FSTL5: variants seen among roughly 807,000 people sequenced by gnomAD.
FSTL5 encodes follistatin-related protein 5.
A neutral mutation model predicts 89.1 loss-of-function variants in FSTL5; 62 were observed. The ratio of observed to expected loss-of-function variants is 0.70; its 90% confidence interval spans 0.57 to 0.86. The LOEUF is 0.86. Ranked by LOEUF, FSTL5 falls within the 40% of genes least tolerant of loss-of-function variation. FSTL5 has a pLI of 0.00. For synonymous variants in FSTL5, 383 were observed against 346.2 expected (o/e 1.11, Z -1.18); for missense variants, 1,057 against 1,001.6 (o/e 1.06, Z -0.75).
At chr4:162,002,804 T>C (rs1029165304) in intron 3 of FSTL5, among the ~76,000 whole-genome samples, 3 of 152,176 alleles carry the variant, frequency 2.0e-5, no homozygotes, top group African/African-American at 7.2e-5. Flanking sequence ...GTTTTTTTTT[T>C]CATGTATGAC....
chr4:161,878,573 T>C (rs1004445661), intron 4 of FSTL5, among the ~76,000 whole-genome samples: 1 of 152,066 alleles, frequency 6.6e-6, no homozygotes. Context: ...TCCTAAAAGA[T>C]ATATTTTTAA....
At chr4:161,811,311 A>G (rs1730138907) in intron 4 of FSTL5, among the ~76,000 whole-genome samples, 1 of 152,220 alleles carries the variant, frequency 6.6e-6, no homozygotes, top group South Asian at 2.1e-4. Context: ...TATACAAATC[A>G]TATGACTTTT....
chr4:162,019,616 C>G (rs1737012775), intron 3 of FSTL5, among the ~76,000 whole-genome samples: 1 of 151,854 alleles, frequency 6.6e-6, no homozygotes, highest in African/African-American at 2.4e-5. Context: ...ACATCTTACT[C>G]CTTCACTCAG....
chr4:161,899,953 T>C (rs930831926), intron 4 of FSTL5, among the ~76,000 whole-genome samples: 2 of 152,038 alleles, frequency 1.3e-5, no homozygotes, highest in Admixed American at 6.6e-5. Flanking sequence ...CCAGCAAAAT[T>C]GGTGGTCAAG....
At chr4:161,761,405 A>G (rs990422549) in intron 5 of FSTL5, among the ~76,000 whole-genome samples, 1 of 152,212 alleles carries the variant, frequency 6.6e-6, no homozygotes, top group Non-Finnish European at 1.5e-5. Context: ...CTACCGCCCT[A>G]TGCACTAAAT....
At chr4:161,925,958 T>A (rs1394492298) in intron 3 of FSTL5, among the ~76,000 whole-genome samples, 1 of 151,972 alleles carries the variant, frequency 6.6e-6, no homozygotes, top group African/African-American at 2.4e-5. Context: ...CACAATTAAA[T>A]ATTTTGATTT....
chr4:161,386,097 CA>C lies in FSTL5; in HGVS notation c.2193del (p.Phe731LeufsTer48). ...ITIRGEIQEA[F>X]DIYTNLHISD... ...GATATGTGCAGATTTGTGTAAATAT[CA>C]AAAGCCTCCTGTATTTCTCCTCTGA... On this transcript the variant is annotated frameshift_variant, in exon 16 of 16. Transcript: ENST00000306100. LOFTEE classifies it high-confidence loss of function. 1 of 1,614,000 alleles carries C rather than the reference CA, an allele frequency of 6.2e-7. No homozygotes were observed. The highest frequency in any genetic ancestry group is 8.5e-7 in the Non-Finnish European group (1 of 1,179,968).
In FSTL5 at chr4:161,658,772, C is replaced by T. The variant is rs376503126; in HGVS notation, c.728-2278G>A. Among the ~76,000 whole-genome samples the T allele has an allele frequency of 1.2e-4, 19 of 152,214 alleles. No individual in the cohort carries two copies. In the East Asian group the frequency reaches 3.3e-3, roughly 26 times the overall value. On this transcript the variant is annotated intron_variant, in intron 6 of 15. Coordinates refer to ENST00000306100, the MANE Select transcript of FSTL5 (RefSeq NM_020116.5). The stretch of plus-strand genomic sequence containing the variant: ...AGTAATGGCATCATGTACAGTATCA[C>T]GTAAGAATTATTAATAATTTCCCAT...
chr4:161,525,995 T>C (rs1456301765), intron 10 of FSTL5, among the ~76,000 whole-genome samples: 1 of 152,176 alleles, frequency 6.6e-6, no homozygotes, highest in Non-Finnish European at 1.5e-5. Context: ...ACCTATAGGC[T>C]AGTTTTGTGG....
intron 7 of FSTL5, among the ~76,000 whole-genome samples, chr4:161,621,856 G>T (rs1012461695): frequency 6.6e-6 from 1 of 150,850 alleles, no homozygotes; most frequent in African/African-American, 2.4e-5. Flanking sequence ...AAAATAGCTG[G>T]CTGTGGTGGT....
chr4:161,757,705 G>A (rs904454422), intron 6 of FSTL5, among the ~76,000 whole-genome samples: 2 of 151,940 alleles, frequency 1.3e-5, no homozygotes, highest in African/African-American at 2.4e-5. Flanking sequence ...TTCAACCTTT[G>A]CCTCCTGGGT....
At chr4:161,701,700 G>A (rs182291123) in intron 6 of FSTL5, among the ~76,000 whole-genome samples, 1 of 152,138 alleles carries the variant, frequency 6.6e-6, no homozygotes, top group Admixed American at 6.5e-5. Context: ...TTCAAAATAT[G>A]TTAAAGACTT....
intron 14 of FSTL5, among the ~76,000 whole-genome samples, chr4:161,457,685 T>C (rs1206939008): frequency 2.0e-5 from 3 of 152,120 alleles, no homozygotes; most frequent in African/African-American, 7.2e-5. Context: ...TATGTTATAC[T>C]AATCTTAAAG....
At chr4:162,121,216 C>A (rs931091017) in intron 1 of FSTL5, among the ~76,000 whole-genome samples, 2 of 151,560 alleles carry the variant, frequency 1.3e-5, no homozygotes, top group Non-Finnish European at 2.9e-5. Flanking sequence ...GCATTTTTGA[C>A]AACTTTGAAA....
intron 5 of FSTL5, among the ~76,000 whole-genome samples, chr4:161,769,034 A>G (rs778368710): frequency 1.3e-5 from 2 of 151,992 alleles, no homozygotes; most frequent in Non-Finnish European, 2.9e-5. Context: ...ACAGAAATTC[A>G]AAGGATCATT....
rs1049633489 is a variant in FSTL5 at position 161,864,214 on chromosome 4, G to A, written c.409+56190C>T. On this transcript the variant is annotated intron_variant, in intron 4 of 15. Transcript: ENST00000306100. ...AAAATGATGTTATGAAGGAAGTAAC[G>A]TAACACATTTCAGGTTCATTCTCAC... Among the ~76,000 whole-genome samples, 50 of 152,148 alleles carry A rather than the reference G, an allele frequency of 3.3e-4. 1 individual carries two copies. Among genetic ancestry groups the A allele is most frequent in the Admixed American group, 1.4e-3 (21 of 15,278 alleles).
intron 10 of FSTL5, among the ~76,000 whole-genome samples, chr4:161,516,885 C>T (rs1560933770): frequency 6.6e-6 from 1 of 151,616 alleles, no homozygotes; most frequent in Non-Finnish European, 1.5e-5. Flanking sequence ...GATATCCTTA[C>T]CAGAAATCTC....
chr4:161,538,491 A>G (rs1375388082), intron 9 of FSTL5, among the ~76,000 whole-genome samples, 191 bp from the exon 10 acceptor site: 1 of 152,158 alleles, frequency 6.6e-6, no homozygotes, highest in Non-Finnish European at 1.5e-5. Context: ...CTGTCATTCT[A>G]TAAGAGAGCC....
At chr4:161,928,285 A>G (rs2110885921) in intron 3 of FSTL5, among the ~76,000 whole-genome samples, 1 of 151,902 alleles carries the variant, frequency 6.6e-6, no homozygotes, top group Non-Finnish European at 1.5e-5. Context: ...ATGGATTACC[A>G]TGGTTTATTT....
Sources: allele counts gnomAD v4.1 joint callset (sites outside exome capture counted in the v4.1 genomes callset), GRCh38; gene constraint gnomAD v4.1.1; transcripts MANE v1.5; gene names NCBI Gene and HGNC (gene_info 2026-07-23, HGNC 2026-07-21).